Variants in CUX1 observed in about 807,000 individuals in gnomAD.
CUX1 encodes the protein cut like homeobox 1, also known as protein CASP.
CUX1 carries 31 observed loss-of-function variants against 158.8 expected under a neutral mutation model. The observed-to-expected ratio is 0.20, with a 90% CI of 0.15 to 0.26. The LOEUF is 0.26. CUX1 is among the 10% of genes least tolerant of loss of function. CUX1 has a pLI of 1.00. For synonymous variants in CUX1, 879 were observed against 862.1 expected (o/e 1.02, Z -0.34); for missense variants, 1,589 against 2,014.6 (o/e 0.79, Z 4.04).
At chr7:101,928,172 C>T (rs1053875045) in intron 2 of CUX1, among the ~76,000 whole-genome samples, 2 of 152,124 alleles carry the variant, frequency 1.3e-5, no homozygotes, top group Non-Finnish European at 1.5e-5. Context: ...CGTTCTATCA[C>T]GTCTAAGCCT....
chr7:101,837,616 C>T (rs1794764219), intron 1 of CUX1, among the ~76,000 whole-genome samples: 1 of 151,682 alleles, frequency 6.6e-6, no homozygotes, highest in Non-Finnish European at 1.5e-5. Context: ...ATTGCTTGAG[C>T]CCAGGAGTTC....
rs782378995 is a variant in CUX1, at chr7:102,227,531, G to A, written c.3295G>A (p.Asp1099Asn). Reference protein sequence around the residue: ...PPEPSDPPASDSQPTTPLPLS... With the variant: ...PPEPSDPPASNSQPTTPLPLS... ...AGAGCCCAGTGACCCGCCAGCATCCGACTCCCAGCCCACAACCCCGCTGCC... is the reference window on the plus strand; with the variant it reads ...AGAGCCCAGTGACCCGCCAGCATCCAACTCCCAGCCCACAACCCCGCTGCC... The change falls in exon 21 of 24, where the codon GAC becomes AAC. Residue 1099 changes from aspartate (D) to asparagine (N), a missense_variant. By Grantham distance (23) the Asp-to-Asn change is conservative (BLOSUM62 1). This residue lies in a region of CUX1 where 259 missense variants were observed against 373.8 expected (regional missense o/e 0.69). Transcript: ENST00000292535. 7.4e-6 allele frequency: 12 copies of A among 1,614,058 alleles called. No individual in the cohort carries two copies. Among genetic ancestry groups the A allele is most frequent in the African/African-American group, 6.7e-5 (5 of 75,030 alleles).
At chr7:101,887,040 C>T (rs919109496) in intron 1 of CUX1, among the ~76,000 whole-genome samples, 2 of 152,146 alleles carry the variant, frequency 1.3e-5, no homozygotes, top group East Asian at 1.9e-4. Flanking sequence ...CCAGGCACAG[C>T]GTGGGGCCCA....
intron 2 of CUX1, among the ~76,000 whole-genome samples, chr7:102,012,756 A>T (rs1274283678): frequency 6.6e-6 from 1 of 151,954 alleles, no homozygotes; most frequent in Non-Finnish European, 1.5e-5. Flanking sequence ...GTACAAATTT[A>T]ATGAAGGAAT....
intron 10 of CUX1, among the ~76,000 whole-genome samples, chr7:102,173,298 T>G (rs1448215556): frequency 1.3e-5 from 2 of 152,102 alleles, no homozygotes; most frequent in African/African-American, 4.8e-5. Context: ...AGACAGAGGT[T>G]GTGCAGTGAG....
chr7:102,073,165 C>CTTTTTTTTTTTTTTTT lies in CUX1; in HGVS notation c.268+2757_268+2772dup, dbSNP rs869202667. Among the ~76,000 whole-genome samples the CTTTTTTTTTTTTTTTT allele has an allele frequency of 4.3e-3, 289 of 66,876 alleles. 72 individuals carry two copies. The highest frequency in any genetic ancestry group is 0.014 in the African/African-American group (211 of 15,586). The allele number at this position is 66,876 out of a possible 152,430, so 43.9% of individuals were successfully genotyped here. On this transcript the variant is annotated intron_variant, in intron 4 of 23. Coordinates refer to ENST00000292535, the MANE Select transcript of CUX1 (RefSeq NM_181552.4). Reference sequence around the variant, plus strand: ...AAATAATATGTAATCTCTTTTCTTTCTTTTTTTTTTTTTTTTTTTTTTTTC... The same window carrying CTTTTTTTTTTTTTTTT: ...AAATAATATGTAATCTCTTTTCTTTCTTTTTTTTTTTTTTTTTTTTTTTTTTTTTTTTTTTTTTTTC...
At chr7:102,180,013 T>C (rs537283604) in intron 11 of CUX1, among the ~76,000 whole-genome samples, 1 of 152,282 alleles carries the variant, frequency 6.6e-6, no homozygotes, top group Admixed American at 6.5e-5. Flanking sequence ...CATTGTGTTT[T>C]GTCGTTGTTG....
intron 21 of CUX1, among the ~76,000 whole-genome samples, chr7:102,232,618 G>C (rs557337472): frequency 6.6e-6 from 1 of 152,282 alleles, no homozygotes; most frequent in South Asian, 2.1e-4. Flanking sequence ...AGGCCTTCCA[G>C]GTTATCACTG....
At position 102,012,208 on chromosome 7, in the gene CUX1, G is replaced by A. The variant is rs1456370817; in HGVS notation, c.142-15890G>A. Among the ~76,000 whole-genome samples, 3 of 151,948 alleles carry A rather than the reference G, an allele frequency of 2.0e-5. No individual in the cohort carries two copies. In the South Asian group the frequency reaches 6.2e-4, roughly 32 times the overall value. On this transcript the variant is annotated intron_variant, in intron 2 of 23. Transcript: ENST00000292535. The stretch of plus-strand genomic sequence containing the variant: ...ATTTATTTAGAATTTTTCTTTAAGA[G>A]ATGGGGTCTCACTCTGTTGCCCAGG...
At chr7:102,164,981 G>A (rs1318502432) in intron 9 of CUX1, among the ~76,000 whole-genome samples, 1 of 152,130 alleles carries the variant, frequency 6.6e-6, no homozygotes, top group Admixed American at 6.5e-5. Flanking sequence ...CACTCTGAAA[G>A]TGTAAACTGG....
chr7:102,076,527 G>A (rs149505546), intron 4 of CUX1, among the ~76,000 whole-genome samples: 4 of 152,116 alleles, frequency 2.6e-5, no homozygotes, highest in East Asian at 3.9e-4. Context: ...CCACCAGATC[G>A]CTTCTTATTT....
chr7:102,205,539 G>T (rs1476651937), intron 20 of CUX1, among the ~76,000 whole-genome samples: 2 of 150,788 alleles, frequency 1.3e-5, no homozygotes, highest in Non-Finnish European at 2.9e-5. Flanking sequence ...CATGTCGGGG[G>T]ACTTCTTATC....
chr7:102,045,275 A>G (rs1160599646), intron 3 of CUX1, among the ~76,000 whole-genome samples: 1 of 152,244 alleles, frequency 6.6e-6, no homozygotes, highest in Non-Finnish European at 1.5e-5. Flanking sequence ...AACAGTTGAG[A>G]GAGAAGCCAA....
intron 21 of CUX1, among the ~76,000 whole-genome samples, chr7:102,232,370 T>C (rs1225079916): frequency 6.6e-6 from 1 of 152,180 alleles, no homozygotes; most frequent in Non-Finnish European, 1.5e-5. Flanking sequence ...GCTTCAGTGC[T>C]TTCTAGGCAG....
At chr7:102,273,234 G>T in intron 14 of CUX1, 1 of 1,258,540 alleles carries the variant, frequency 7.9e-7, no homozygotes, top group East Asian at 2.6e-5. Flanking sequence ...GAGTTGGGAG[G>T]GAATAGCCAG....
intron 1 of CUX1, among the ~76,000 whole-genome samples, chr7:101,889,284 AGAG>A (rs1800597153): frequency 6.9e-6 from 1 of 144,632 alleles, no homozygotes; most frequent in Non-Finnish European, 1.5e-5. Context: ...AAAAGTGCTG[AGAG>A]AGATCGTTTC....
At chr7:102,275,463 G>T in intron 17 of CUX1, 1 of 915,998 alleles carries the variant, frequency 1.1e-6, no homozygotes, top group East Asian at 2.8e-5. Context: ...GTAAACCTCA[G>T]GGGGAAGAGA....
At chr7:102,141,048 A>C (rs1834401721) in intron 8 of CUX1, among the ~76,000 whole-genome samples, 1 of 152,140 alleles carries the variant, frequency 6.6e-6, no homozygotes, top group South Asian at 2.1e-4. Context: ...GGCCAAATCC[A>C]ATGATGTCAG....
At chr7:101,873,491 A>G (rs531444347) in intron 1 of CUX1, among the ~76,000 whole-genome samples, 1 of 137,292 alleles carries the variant, frequency 7.3e-6, no homozygotes, top group Middle Eastern at 3.3e-3. Flanking sequence ...GCCTGGTATT[A>G]TGTTGGCTTT....
Sources: allele counts gnomAD v4.1 joint callset (sites outside exome capture counted in the v4.1 genomes callset), GRCh38; gene constraint gnomAD v4.1.1; regional missense constraint gnomAD v4.1.1; transcripts MANE v1.5; gene names NCBI Gene and HGNC (gene_info 2026-07-23, HGNC 2026-07-21).